The following FBXL17 variants were observed in gnomAD, a reference collection of about 807,000 sequenced individuals.
FBXL17 encodes the protein F-box/LRR-repeat protein 17.
In FBXL17, 22 loss-of-function variants were observed where a neutral mutation model predicts 66.2. The observed-to-expected ratio is 0.33, with a 90% CI of 0.24 to 0.47. FBXL17 has a LOEUF of 0.47. Among genes scored for constraint, FBXL17 ranks in the 20% least tolerant of loss-of-function variants. FBXL17 has a pLI of 1.00. For missense variants in FBXL17, 878 were observed against 948.2 expected (o/e 0.93, Z 0.97); for synonymous variants, 474 against 400.5 (o/e 1.18, Z -2.19).
intron 6 of FBXL17, among the ~76,000 whole-genome samples, chr5:108,163,304 G>A (rs1274238101): frequency 4.0e-5 from 6 of 151,518 alleles, no homozygotes; most frequent in Non-Finnish European, 7.4e-5. Context: ...GTATTATTGT[G>A]ACACCAAAGG....
At position 108,348,141 on chromosome 5, in the gene FBXL17, T is replaced by C. The variant is rs543801983; in HGVS notation, c.1506+258A>G. On this transcript the variant is annotated intron_variant, in intron 4 of 8. Coordinates refer to ENST00000542267, the MANE Select transcript of FBXL17 (RefSeq NM_001163315.3). ...GATTTTTCCAATTTACCAGTATTAGTTCACTGTCCACATTTAGAAAAGATG... is the reference window on the plus strand; with the variant it reads ...GATTTTTCCAATTTACCAGTATTAGCTCACTGTCCACATTTAGAAAAGATG... Among the ~76,000 whole-genome samples, 10 of 152,312 alleles carry C rather than the reference T, an allele frequency of 6.6e-5. No individual in the cohort carries two copies. The South Asian group carries it at 2.1e-3, about 32-fold the overall frequency.
At position 108,130,534 on chromosome 5, in the gene FBXL17, C is replaced by T. The variant is rs537810939; in HGVS notation, c.1745+55583G>A. Among the ~76,000 whole-genome samples the T allele has an allele frequency of 3.9e-4, 59 of 151,980 alleles. No homozygotes were observed. The South Asian group carries it at 0.011, about 29-fold the overall frequency. Reference sequence around the variant, plus strand: ...AAAGTATCTTTTCAAGATTTTAACTCGGGTAGTAAAAATGTAAAAACCCAG... The same window carrying T: ...AAAGTATCTTTTCAAGATTTTAACTTGGGTAGTAAAAATGTAAAAACCCAG... On this transcript the variant is annotated intron_variant, in intron 6 of 8. Coordinates refer to ENST00000542267, the MANE Select transcript of FBXL17 (RefSeq NM_001163315.3).
chr5:107,865,021 C>A (rs1036038666), intron 8 of FBXL17, among the ~76,000 whole-genome samples: 1 of 152,150 alleles, frequency 6.6e-6, no homozygotes, highest in African/African-American at 2.4e-5. Flanking sequence ...CAGAGAGGAA[C>A]CTTGGAAAAT....
chr5:108,361,724 A>G (rs907968910), intron 3 of FBXL17, among the ~76,000 whole-genome samples: 7 of 152,158 alleles, frequency 4.6e-5, no homozygotes, highest in South Asian at 2.1e-4. Flanking sequence ...ACTGTGTTCA[A>G]TCAATGCCCA....
In FBXL17 at chr5:108,025,738, C is replaced by T. The variant is rs569692066; in HGVS notation, c.1746-4737G>A. 1.7e-3 allele frequency among the ~76,000 whole-genome samples: 263 copies of T among 151,578 alleles called. 1 individual carries two copies. The highest frequency in any genetic ancestry group is 2.7e-3 in the Non-Finnish European group (184 of 67,828). ...ACACACGCGCGCGCGCACACACACA[C>T]ACACACACACACACACAGGCCCCAC... On this transcript the variant is annotated intron_variant, in intron 6 of 8. Coordinates refer to ENST00000542267, the MANE Select transcript of FBXL17 (RefSeq NM_001163315.3).
At chr5:108,312,987 T>A (rs980360304) in intron 4 of FBXL17, among the ~76,000 whole-genome samples, 1 of 152,148 alleles carries the variant, frequency 6.6e-6, no homozygotes. Context: ...ATTACCATCA[T>A]GTTTTTAAAT....
chr5:108,210,381 T>C (rs1754314398), intron 5 of FBXL17, among the ~76,000 whole-genome samples: 1 of 152,218 alleles, frequency 6.6e-6, no homozygotes, highest in African/African-American at 2.4e-5. Flanking sequence ...GATGCTTCTC[T>C]AGTTCTACTA....
At chr5:108,271,377 G>A (rs543559790) in intron 4 of FBXL17, among the ~76,000 whole-genome samples, 1 of 152,286 alleles carries the variant, frequency 6.6e-6, no homozygotes, top group African/African-American at 2.4e-5. Context: ...CAAGCTAGAG[G>A]AGGCACCAGA....
chr5:107,907,258 C>T (rs1359537072), intron 7 of FBXL17, among the ~76,000 whole-genome samples: 1 of 152,132 alleles, frequency 6.6e-6, no homozygotes, highest in Non-Finnish European at 1.5e-5. Flanking sequence ...AATTTGAAGG[C>T]AGTGACAATG....
chr5:108,160,113 T>C (rs1752150490), intron 6 of FBXL17, among the ~76,000 whole-genome samples: 1 of 152,208 alleles, frequency 6.6e-6, no homozygotes, highest in Non-Finnish European at 1.5e-5. Context: ...GACCTATTTG[T>C]ACTCACGTTG....
chr5:107,901,886 AC>A (rs1412242175), intron 7 of FBXL17, among the ~76,000 whole-genome samples: 1 of 152,204 alleles, frequency 6.6e-6, no homozygotes, highest in Non-Finnish European at 1.5e-5. Context: ...GTAAACTGGA[AC>A]CACATACAGT....
At chr5:108,009,788 A>C (rs1416486147) in intron 7 of FBXL17, among the ~76,000 whole-genome samples, 2 of 152,190 alleles carry the variant, frequency 1.3e-5, no homozygotes, top group Non-Finnish European at 2.9e-5. Flanking sequence ...GTTCCATTTA[A>C]TATCTATCCT....
chr5:108,043,735 T>C (rs779774413), intron 6 of FBXL17, among the ~76,000 whole-genome samples: 2 of 152,180 alleles, frequency 1.3e-5, no homozygotes, highest in Non-Finnish European at 2.9e-5. Context: ...AATAGTCTTA[T>C]CTATATCTAC....
chr5:108,036,782 G>C (rs1021985029), intron 6 of FBXL17, among the ~76,000 whole-genome samples: 1 of 152,178 alleles, frequency 6.6e-6, no homozygotes, highest in African/African-American at 2.4e-5. Context: ...GAACGAATGA[G>C]AGAAGAATTG....
At position 108,020,910 on chromosome 5, in the gene FBXL17, T is replaced by C. The variant is rs754449381; in HGVS notation, c.1822+15A>G. 2.4e-5 allele frequency: 37 copies of C among 1,558,738 alleles called. No individual in the cohort carries two copies. The highest frequency in any genetic ancestry group is 2.8e-5 in the Non-Finnish European group (32 of 1,131,658). On this transcript the variant is annotated intron_variant, in intron 7 of 8. Transcript: ENST00000542267. Reference sequence around the variant, plus strand: ...TTATTCTTAGAAAGGATTAGGAAAATGGTTCATTACCTACCATAATCTGTG... The same window carrying C: ...TTATTCTTAGAAAGGATTAGGAAAACGGTTCATTACCTACCATAATCTGTG...
intron 4 of FBXL17, among the ~76,000 whole-genome samples, chr5:108,260,210 T>C (rs1421657728): frequency 6.6e-6 from 1 of 151,936 alleles, no homozygotes; most frequent in African/African-American, 2.4e-5. Flanking sequence ...AATGTCAGCA[T>C]TAACAATTAG....
At chr5:108,059,087 A>C (rs1580385322) in intron 6 of FBXL17, among the ~76,000 whole-genome samples, 1 of 152,278 alleles carries the variant, frequency 6.6e-6, no homozygotes, top group Non-Finnish European at 1.5e-5. Context: ...TTCACTTGGT[A>C]TTTACTGTTT....
chr5:107,980,993 G>A (rs1419757910), intron 7 of FBXL17, among the ~76,000 whole-genome samples: 1 of 151,998 alleles, frequency 6.6e-6, no homozygotes, highest in South Asian at 2.1e-4. Flanking sequence ...TCCTTAGTAC[G>A]ATATCCTGTA....
intron 6 of FBXL17, among the ~76,000 whole-genome samples, chr5:108,154,648 C>CACAT (rs1389148464): frequency 1.1e-4 from 13 of 116,200 alleles, no homozygotes; most frequent in African/African-American, 3.2e-4. Flanking sequence ...CACACACACA[C>CACAT]ATATATGTAT....
Sources: allele counts gnomAD v4.1 joint callset (sites outside exome capture counted in the v4.1 genomes callset), GRCh38; gene constraint gnomAD v4.1.1; transcripts MANE v1.5; gene names NCBI Gene and HGNC (gene_info 2026-07-23, HGNC 2026-07-21).